The following BANP variants were observed in gnomAD, a reference collection of about 807,000 sequenced individuals.
BANP encodes the protein BTG3 associated nuclear protein, also known as protein BANP.
In BANP, 11 loss-of-function variants were observed where a neutral mutation model predicts 68.1. That is an observed-to-expected ratio of 0.16 (90% CI 0.10 to 0.27). The LOEUF is 0.27. BANP is among the 10% of genes least tolerant of loss of function. The pLI is 1.00. For synonymous variants in BANP, 329 were observed against 303.2 expected (o/e 1.09, Z -0.88); for missense variants, 504 against 722.7 (o/e 0.70, Z 3.47).
rs2085518766 is a variant in BANP at position 88,057,829 on chromosome 16, C to T, written c.1312-7438C>T. Among the ~76,000 whole-genome samples the T allele has an allele frequency of 6.6e-6, 1 of 152,012 alleles. No individual in the cohort carries two copies. The highest frequency in any genetic ancestry group is 2.1e-4 in the South Asian group (1 of 4,826). Reference sequence around the variant, plus strand: ...TGGACTCCAGGGCAAGTGGTGCTGGCCGGATGCCCACAGTGAGGAGGTGCG... The same window carrying T: ...TGGACTCCAGGGCAAGTGGTGCTGGTCGGATGCCCACAGTGAGGAGGTGCG... On this transcript the variant is annotated intron_variant, in intron 11 of 13. Transcript: ENST00000682872. This position sits in a 1 kb window ranked among gnomAD's most constrained non-coding sequence, Gnocchi z 4.6.
chr16:88,071,755 G>A lies in BANP; in HGVS notation c.1378-314G>A, dbSNP rs1197474488. On this transcript the variant is annotated intron_variant, in intron 12 of 13. Coordinates refer to ENST00000682872, the MANE Select transcript of BANP (RefSeq NM_001386991.1). This position sits in a 1 kb window ranked among gnomAD's most constrained non-coding sequence, Gnocchi z 6.5. ...TCCAGGAGGCTCTGTGGCATTTGCT[G>A]TTGCTCTCTTTTTCTGTGGAAGCTC... 1 of 598,034 alleles carries A rather than the reference G, an allele frequency of 1.7e-6. No homozygotes were observed. The highest frequency in any genetic ancestry group is 3.1e-6 in the Non-Finnish European group (1 of 318,516). 37.0% of individuals were successfully genotyped at this position (598,034 alleles called of 1,614,324 possible).
At chr16:88,010,549 C>T (rs547540096) in intron 6 of BANP, among the ~76,000 whole-genome samples, 103 of 152,348 alleles carry the variant, frequency 6.8e-4, no homozygotes, top group African/African-American at 2.4e-3. Flanking sequence ...GTGCTGACCT[C>T]GTTGTCCCAG....
Position 88,018,514 on chromosome 16 carries a change from C to T in BANP, c.742C>T (p.His248Tyr), listed in dbSNP as rs760779182. The change falls in exon 7 of 14, where the codon CAC becomes TAC. Residue 248 changes from histidine (H) to tyrosine (Y), a missense_variant. Coordinates refer to ENST00000682872, the MANE Select transcript of BANP (RefSeq NM_001386991.1). The surrounding 1 kb of genome is among the most constrained non-coding windows in gnomAD (Gnocchi z 7.7). ...CGCCATCATCCCCTCCGACATGCTG[C>T]ACATCAGCACCAACTGCCGCACGGC... ...RCAIIPSDML[H>Y]ISTNCRTAEK... is the part of the protein sequence containing the mutation. 6.2e-7 allele frequency: 1 copy of T among 1,613,616 alleles called. No individual in the cohort carries two copies. The highest frequency in any genetic ancestry group is 8.5e-7 in the Non-Finnish European group (1 of 1,180,028).
chr16:88,047,023 G>A (rs368918897), intron 11 of BANP, among the ~76,000 whole-genome samples: 3 of 151,792 alleles, frequency 2.0e-5, no homozygotes, highest in African/African-American at 4.8e-5. Flanking sequence ...CCAAGATTGC[G>A]CCATTGCATT....
intron 11 of BANP, among the ~76,000 whole-genome samples, chr16:88,043,041 A>G (rs114731515): frequency 0.022 from 3,414 of 152,346 alleles, 128 homozygotes; most frequent in African/African-American, 0.079. Flanking sequence ...AACAACGAGC[A>G]TTCAGGTCAC....
chr16:88,065,085 T>TTAATATAA (rs1790221116), intron 11 of BANP, among the ~76,000 whole-genome samples, 182 bp from the exon 12 acceptor site: 1 of 152,124 alleles, frequency 6.6e-6, no homozygotes, highest in Admixed American at 6.5e-5. Flanking sequence ...ATTTGATGTT[T>TTAATATAA]TAATAAAGAG....
At chr16:87,998,780 G>A (rs376139532) in intron 4 of BANP, among the ~76,000 whole-genome samples, 4 of 145,774 alleles carry the variant, frequency 2.7e-5, no homozygotes, top group South Asian at 2.2e-4. Flanking sequence ...CTCCATGCAC[G>A]CACGTGCGCG....
intron 13 of BANP, among the ~76,000 whole-genome samples, chr16:88,074,428 G>A (rs546688211): frequency 2.5e-4 from 38 of 152,260 alleles, no homozygotes; most frequent in African/African-American, 8.9e-4. Flanking sequence ...AGTGGGTTGG[G>A]AGGGTAGGGG....
intron 6 of BANP, among the ~76,000 whole-genome samples, chr16:88,013,462 G>T (rs1421134583): frequency 6.6e-6 from 1 of 152,130 alleles, no homozygotes. Flanking sequence ...CCTCAGTGCA[G>T]TGTGAGGTGG....
chr16:88,045,402 G>A (rs1233304583), intron 11 of BANP, among the ~76,000 whole-genome samples: 7 of 152,242 alleles, frequency 4.6e-5, no homozygotes, highest in Non-Finnish European at 7.3e-5. Flanking sequence ...AGGAGAGGCC[G>A]GGGCCAAAGG....
chr16:87,966,957 TC>T (rs1320044182), intron 1 of BANP: 1 of 152,370 alleles, frequency 6.6e-6, no homozygotes, highest in Admixed American at 6.5e-5. Flanking sequence ...GCTTTGCTCC[TC>T]CGCGCCAGCT....
rs1284678215 is a variant in BANP at position 88,063,628 on chromosome 16, G to A, written c.1312-1639G>A. Among the ~76,000 whole-genome samples the A allele has an allele frequency of 2.0e-5, 3 of 152,158 alleles. No homozygotes were observed. The East Asian group carries it at 5.8e-4, about 29-fold the overall frequency. Reference sequence around the variant, plus strand: ...CCCTTGATAGACGAGTTTCAGATCCGATCACAGCTGTTCTTAATGAGACTT... The same window carrying A: ...CCCTTGATAGACGAGTTTCAGATCCAATCACAGCTGTTCTTAATGAGACTT... On this transcript the variant is annotated intron_variant, in intron 11 of 13. Transcript: ENST00000682872.
At chr16:88,046,908 T>C (rs1040953097) in intron 11 of BANP, among the ~76,000 whole-genome samples, 2 of 150,716 alleles carry the variant, frequency 1.3e-5, no homozygotes, top group Non-Finnish European at 3.0e-5. Flanking sequence ...CTACTAAAAA[T>C]ACAAAAAATT....
At chr16:87,953,710 G>A (rs1411505063) in intron 1 of BANP, among the ~76,000 whole-genome samples, 1 of 152,144 alleles carries the variant, frequency 6.6e-6, no homozygotes, top group Non-Finnish European at 1.5e-5. Context: ...GGCACTTTCT[G>A]TTCCCATCGA....
chr16:87,977,418 C>CAAA lies in BANP; in HGVS notation c.70+2242_70+2244dup, dbSNP rs56077067. Among the ~76,000 whole-genome samples the CAAA allele has an allele frequency of 6.8e-3, 960 of 140,944 alleles. 12 individuals are homozygous for CAAA. The highest frequency in any genetic ancestry group is 0.022 in the African/African-American group (859 of 38,304). 92.5% of individuals were successfully genotyped at this position (140,944 alleles called of 152,430 possible). ...TGGGCGACAGAGCGAGACTCCGTCT[C>CAAA]AAAAAAAAAAACAAAACCTACTGTG... is the stretch of plus-strand genomic sequence containing the variant. On this transcript the variant is annotated intron_variant, in intron 2 of 13. Transcript: ENST00000682872.
intron 11 of BANP, among the ~76,000 whole-genome samples, chr16:88,040,028 T>C (rs2080353032): frequency 6.6e-6 from 1 of 152,174 alleles, no homozygotes; most frequent in African/African-American, 2.4e-5. Context: ...TCTCATACGC[T>C]CCTGATTCCT....
Position 88,036,266 on chromosome 16 carries a change from G to T in BANP, c.1272+872G>T, listed in dbSNP as rs750293762. Among the ~76,000 whole-genome samples the T allele has an allele frequency of 6.6e-6, 1 of 152,196 alleles. No individual in the cohort carries two copies. Among genetic ancestry groups the T allele is most frequent in the African/African-American group, 2.4e-5 (1 of 41,442 alleles). ...TGTGTTTGGTGCATAGTAGTGTGTC[G>T]CTGCAAAGATCTCAGGCTTCCCCAC... On this transcript the variant is annotated intron_variant, in intron 10 of 13. Coordinates refer to ENST00000682872, the MANE Select transcript of BANP (RefSeq NM_001386991.1). This position sits in a 1 kb window ranked among gnomAD's most constrained non-coding sequence, Gnocchi z 4.2.
chr16:88,056,440 G>T (rs909585457), intron 11 of BANP, among the ~76,000 whole-genome samples: 2 of 150,258 alleles, frequency 1.3e-5, no homozygotes, highest in African/African-American at 4.9e-5. Context: ...AAAGTGTTTG[G>T]CTGGGAAGCG....
intron 7 of BANP, among the ~76,000 whole-genome samples, chr16:88,019,954 G>A (rs2075669783): frequency 6.6e-6 from 1 of 152,234 alleles, no homozygotes; most frequent in African/African-American, 2.4e-5. Flanking sequence ...ATGCGTGTGA[G>A]CAGGTCATGG....
Sources: allele counts gnomAD v4.1 joint callset (sites outside exome capture counted in the v4.1 genomes callset), GRCh38; gene constraint gnomAD v4.1.1; non-coding constraint Gnocchi (gnomAD v3.1); transcripts MANE v1.5; gene names NCBI Gene and HGNC (gene_info 2026-07-23, HGNC 2026-07-21).